ADCY1: variants seen among roughly 807,000 people sequenced by gnomAD.
The protein encoded by ADCY1 is adenylate cyclase type 1.
ADCY1 carries 28 observed loss-of-function variants against 105.4 expected under a neutral mutation model. The ratio of observed to expected loss-of-function variants is 0.27; its 90% confidence interval spans 0.20 to 0.36. The LOEUF is 0.36. ADCY1 is among the 10% of genes least tolerant of loss of function. ADCY1 has a pLI of 1.00. For missense variants in ADCY1, 977 were observed against 1,434.2 expected (o/e 0.68, Z 5.15); for synonymous variants, 655 against 623.8 (o/e 1.05, Z -0.75).
rs1785422384 is a variant in ADCY1 at position 45,719,358 on chromosome 7, C to T, written c.*5363C>T. ...TTCCTGCCTTATCCTTCTGTTTGTT[C>T]ATACACTTAGTGAAAGCAGATCCTG... On this transcript the variant is annotated 3_prime_UTR_variant, in exon 20 of 20. Coordinates refer to ENST00000297323, the MANE Select transcript of ADCY1 (RefSeq NM_021116.4). 6.6e-6 allele frequency: 1 copy of T among 152,266 alleles called. No individual in the cohort carries two copies. Among genetic ancestry groups the T allele is most frequent in the Non-Finnish European group, 1.5e-5 (1 of 68,060 alleles). The allele number at this position is 152,266 out of a possible 1,614,324, so 9.4% of individuals were successfully genotyped here.
chr7:45,686,878 G>A lies in ADCY1; in HGVS notation c.2454+205G>A, dbSNP rs1784689377. ...GCAGGGAGTGGGAGCCATGCCTCGT[G>A]AGAGGACAGTTCAGAAGGTTGTGGG... On this transcript the variant is annotated intron_variant, in intron 14 of 19. Coordinates refer to ENST00000297323, the MANE Select transcript of ADCY1 (RefSeq NM_021116.4). The surrounding 1 kb of genome is among the most constrained non-coding windows in gnomAD (Gnocchi z 4.3). 6.6e-6 allele frequency among the ~76,000 whole-genome samples: 1 copy of A among 152,310 alleles called. No individual in the cohort carries two copies. The highest frequency in any genetic ancestry group is 1.9e-4 in the East Asian group (1 of 5,154).
intron 14 of ADCY1, among the ~76,000 whole-genome samples, chr7:45,695,239 T>A (rs760588651): frequency 6.6e-6 from 1 of 152,230 alleles, no homozygotes; most frequent in Non-Finnish European, 1.5e-5. Context: ...TGTGGTCTGC[T>A]TGTTGCTTGT....
chr7:45,661,896 C>G (rs964228866), intron 7 of ADCY1, among the ~76,000 whole-genome samples, 163 bp from the exon 8 acceptor site: 1 of 152,052 alleles, frequency 6.6e-6, no homozygotes, highest in Non-Finnish European at 1.5e-5. Flanking sequence ...GTTTGCTGCT[C>G]TATTCTGGGC....
chr7:45,581,292 C>T lies in ADCY1; in HGVS notation c.639+6110C>T, dbSNP rs116118686. Among the ~76,000 whole-genome samples the T allele has an allele frequency of 5.0e-3, 755 of 152,286 alleles. 5 individuals carry two copies. The highest frequency in any genetic ancestry group is 0.017 in the African/African-American group (721 of 41,552). On this transcript the variant is annotated intron_variant, in intron 1 of 19. Coordinates refer to ENST00000297323, the MANE Select transcript of ADCY1 (RefSeq NM_021116.4). ...CAGTGAAGTGGGACCTACCCCTTAC[C>T]GTCACTTACATACATAGCTGTATGT...
intron 4 of ADCY1, among the ~76,000 whole-genome samples, chr7:45,630,258 G>C (rs1414221423): frequency 6.6e-6 from 1 of 152,114 alleles, no homozygotes; most frequent in African/African-American, 2.4e-5. Context: ...GAAAGTTTTA[G>C]TGTTTATGAA....
At chr7:45,644,173 C>T (rs1327156647) in intron 4 of ADCY1, among the ~76,000 whole-genome samples, 1 of 152,160 alleles carries the variant, frequency 6.6e-6, no homozygotes, top group African/African-American at 2.4e-5. Context: ...TATCTGTTTT[C>T]TTAGAATTGG....
chr7:45,578,352 C>T (rs1792414995), intron 1 of ADCY1, among the ~76,000 whole-genome samples: 1 of 152,172 alleles, frequency 6.6e-6, no homozygotes, highest in Non-Finnish European at 1.5e-5. Context: ...GAGTTCCTTT[C>T]CTCTCCCAGC....
intron 1 of ADCY1, among the ~76,000 whole-genome samples, chr7:45,585,377 T>C (rs1284256716): frequency 6.6e-6 from 1 of 151,906 alleles, no homozygotes; most frequent in African/African-American, 2.4e-5. Flanking sequence ...TCATGAGCAC[T>C]GACCATGTCC....
chr7:45,597,477 T>A (rs1472161790), intron 2 of ADCY1, among the ~76,000 whole-genome samples: 1 of 152,360 alleles, frequency 6.6e-6, no homozygotes, highest in African/African-American at 2.4e-5. Context: ...CAGTGTTGGC[T>A]TTTACCAGCC....
chr7:45,635,601 G>GTTTTTTTTTT (rs71030884), intron 4 of ADCY1, among the ~76,000 whole-genome samples: 2 of 57,196 alleles, frequency 3.5e-5, no homozygotes, highest in African/African-American at 7.0e-5. Context: ...AATTTCTCTT[G>GTTTTTTTTTT]TTTTTTTTTT....
At position 45,689,339 on chromosome 7, in the gene ADCY1, T is replaced by C. The variant is rs1383548945; in HGVS notation, c.2454+2666T>C. On this transcript the variant is annotated intron_variant, in intron 14 of 19. Transcript: ENST00000297323. ...TAAAGGAATATCAGAGACTGGGTTA[T>C]TTATAAAGAAAAGAGGTTTAATTGG... Among the ~76,000 whole-genome samples, 3 of 152,240 alleles carry C rather than the reference T, an allele frequency of 2.0e-5. No individual in the cohort carries two copies. In the East Asian group the frequency reaches 5.8e-4, roughly 29 times the overall value.
rs922610964 is a variant in ADCY1, at chr7:45,717,298, A to G, written c.*3303A>G. On this transcript the variant is annotated 3_prime_UTR_variant, in exon 20 of 20. Transcript: ENST00000297323. ...GGCAAGGTCTCCACTTCAGGGGCAA[A>G]CATCTCCATCATCAGCAACTCCAAA... is the stretch of plus-strand genomic sequence containing the variant. 1 of 152,326 alleles carries G rather than the reference A, an allele frequency of 6.6e-6. No individual in the cohort carries two copies. Among genetic ancestry groups the G allele is most frequent in the East Asian group, 1.9e-4 (1 of 5,190 alleles). The allele number at this position is 152,326 out of a possible 1,614,324, so 9.4% of individuals were successfully genotyped here.
chr7:45,623,000 G>A (rs1369314464), intron 4 of ADCY1, among the ~76,000 whole-genome samples: 3 of 152,226 alleles, frequency 2.0e-5, no homozygotes. Context: ...GGGCTTCCAT[G>A]CAGAAGGCTT....
At chr7:45,659,329 G>A (rs927489063) in intron 6 of ADCY1, among the ~76,000 whole-genome samples, 1 of 152,250 alleles carries the variant, frequency 6.6e-6, no homozygotes, top group African/African-American at 2.4e-5. Flanking sequence ...GAGTTCAGAA[G>A]GTTGTGCGGT....
intron 3 of ADCY1, among the ~76,000 whole-genome samples, chr7:45,612,542 A>G (rs1169353993): frequency 6.6e-6 from 1 of 152,186 alleles, no homozygotes; most frequent in Non-Finnish European, 1.5e-5. Flanking sequence ...AATCCCTGGA[A>G]TACCTCGAGG....
At chr7:45,697,191 C>T (rs1259890574) in intron 14 of ADCY1, among the ~76,000 whole-genome samples, 1 of 152,164 alleles carries the variant, frequency 6.6e-6, no homozygotes, top group Non-Finnish European at 1.5e-5. Flanking sequence ...AAAGAGGACT[C>T]TCACAGGGCC....
At chr7:45,598,068 GTTCT>G (rs1239520950) in intron 2 of ADCY1, among the ~76,000 whole-genome samples, 1 of 152,208 alleles carries the variant, frequency 6.6e-6, no homozygotes, top group Non-Finnish European at 1.5e-5. Context: ...GTACTAAGAT[GTTCT>G]TTCTGAGTTG....
chr7:45,661,137 G>T (rs780664360), intron 7 of ADCY1, among the ~76,000 whole-genome samples: 1 of 152,162 alleles, frequency 6.6e-6, no homozygotes, highest in Non-Finnish European at 1.5e-5. Context: ...CCCAGTGGAT[G>T]CAGGCCCCTG....
chr7:45,612,054 G>C (rs1793607754), intron 3 of ADCY1, among the ~76,000 whole-genome samples: 1 of 152,212 alleles, frequency 6.6e-6, no homozygotes, highest in Non-Finnish European at 1.5e-5. Flanking sequence ...GCTAATTGCT[G>C]TCTGGTTGAG....
Sources: gnomAD v4.1 joint callset for allele counts (sites outside exome capture counted in the v4.1 genomes callset) on GRCh38, gnomAD v4.1.1 for gene constraint, Gnocchi (gnomAD v3.1) non-coding constraint, MANE v1.5 for transcripts, NCBI Gene and HGNC (gene_info 2026-07-23, HGNC 2026-07-21) for gene names.